The following UNC13C variants were observed in gnomAD, a reference collection of about 807,000 sequenced individuals.
UNC13C encodes unc-13 homolog C.
In UNC13C, 174 loss-of-function variants were observed where a neutral mutation model predicts 245.4. The observed-to-expected ratio is 0.71, with a 90% CI of 0.63 to 0.80. The LOEUF (loss-of-function observed/expected upper bound fraction) is 0.80, where lower values mean the gene tolerates loss of function less well. UNC13C is among the 30% of genes least tolerant of loss of function. UNC13C has a pLI of 0.00. For synonymous variants in UNC13C, 992 were observed against 895.1 expected (o/e 1.11, Z -1.93); for missense variants, 2,829 against 2,602.9 (o/e 1.09, Z -1.89).
intron 19 of UNC13C, among the ~76,000 whole-genome samples, chr15:54,461,591 T>C (rs961427814): frequency 2.0e-5 from 3 of 152,220 alleles, no homozygotes; most frequent in African/African-American, 4.8e-5. Flanking sequence ...CATGTATTTA[T>C]GATTATGGGA....
chr15:53,887,825 T>G, the UNC13C span, among the ~76,000 whole-genome samples: 1 of 152,194 alleles, frequency 6.6e-6, no homozygotes, highest in Admixed American at 6.5e-5. Flanking sequence ...ATTCTTGTGA[T>G]AGTTTGCTGA....
chr15:54,578,929 A>G (rs1321717883), intron 30 of UNC13C, among the ~76,000 whole-genome samples: 1 of 152,212 alleles, frequency 6.6e-6, no homozygotes, highest in Non-Finnish European at 1.5e-5. Flanking sequence ...ATCTCACCCA[A>G]GAGCAATGGA....
chr15:53,959,028 A>G, the UNC13C span, among the ~76,000 whole-genome samples: 1 of 152,154 alleles, frequency 6.6e-6, no homozygotes, highest in East Asian at 1.9e-4. Context: ...GCTCCCACAT[A>G]TAGGCGAGAA....
At chr15:54,145,761 C>T (rs988315335) in intron 4 of UNC13C, among the ~76,000 whole-genome samples, 3 of 152,312 alleles carry the variant, frequency 2.0e-5, no homozygotes, top group Non-Finnish European at 2.9e-5. Context: ...TCTGCACCTC[C>T]CTTCGCCTAC....
intron 24 of UNC13C, among the ~76,000 whole-genome samples, chr15:54,522,441 G>A (rs1023931858): frequency 2.0e-5 from 3 of 152,052 alleles, no homozygotes; most frequent in Admixed American, 1.3e-4. Flanking sequence ...TCGGGCCACT[G>A]CACTCCAGCC....
chr15:54,376,222 G>A (rs2039604159), intron 17 of UNC13C, among the ~76,000 whole-genome samples: 1 of 151,948 alleles, frequency 6.6e-6, no homozygotes. Context: ...AGTTATTTAT[G>A]TTTATTTCAA....
chr15:54,200,613 C>A (rs1242545191), intron 4 of UNC13C, among the ~76,000 whole-genome samples: 2 of 152,156 alleles, frequency 1.3e-5, no homozygotes, highest in South Asian at 2.1e-4. Context: ...TTAAAAAATT[C>A]TTTGAACTGA....
chr15:53,840,653 C>T, the UNC13C span, among the ~76,000 whole-genome samples: 1 of 152,150 alleles, frequency 6.6e-6, no homozygotes, highest in Admixed American at 6.5e-5. Context: ...TCTAATAACA[C>T]TTGCATGCCT....
intron 18 of UNC13C, among the ~76,000 whole-genome samples, chr15:54,396,568 T>C (rs1355236201): frequency 6.6e-6 from 1 of 151,644 alleles, no homozygotes; most frequent in Non-Finnish European, 1.5e-5. Context: ...GCTATGAATA[T>C]TTGTTTACAA....
the UNC13C span, among the ~76,000 whole-genome samples, chr15:53,935,292 A>G: frequency 6.6e-6 from 1 of 152,066 alleles, no homozygotes; most frequent in Non-Finnish European, 1.5e-5. Context: ...GGCATTTCTC[A>G]GTTCTTAGCT....
intron 11 of UNC13C, among the ~76,000 whole-genome samples, chr15:54,297,350 C>CT (rs75011595): frequency 0.081 from 12,278 of 151,912 alleles, 1,133 homozygotes; most frequent in East Asian, 0.22. Context: ...ATCATAGTTA[C>CT]TTTTTTTGCA....
chr15:54,537,597 C>G (rs1221461226), intron 26 of UNC13C, among the ~76,000 whole-genome samples: 1 of 152,018 alleles, frequency 6.6e-6, no homozygotes, highest in Non-Finnish European at 1.5e-5. Flanking sequence ...CATAAAGCTA[C>G]AGTAATCAAA....
intron 1 of UNC13C, among the ~76,000 whole-genome samples, chr15:54,004,176 C>T (rs1895035348): frequency 6.6e-6 from 1 of 152,124 alleles, no homozygotes; most frequent in South Asian, 2.1e-4. Context: ...CCCTTCCCAG[C>T]CTCCAGTAAC....
At chr15:54,192,299 C>G (rs1177206416) in intron 4 of UNC13C, among the ~76,000 whole-genome samples, 1 of 151,982 alleles carries the variant, frequency 6.6e-6, no homozygotes, top group African/African-American at 2.4e-5. Context: ...TTGTGACTAT[C>G]ATGTATTAGT....
chr15:54,367,632 G>A (rs1210255606), intron 17 of UNC13C, among the ~76,000 whole-genome samples: 1 of 152,116 alleles, frequency 6.6e-6, no homozygotes, highest in African/African-American at 2.4e-5. Flanking sequence ...TTTAGACAGA[G>A]AATGTAAATG....
chr15:54,162,609 A>G (rs2033019363), intron 4 of UNC13C, among the ~76,000 whole-genome samples: 1 of 152,206 alleles, frequency 6.6e-6, no homozygotes, highest in African/African-American at 2.4e-5. Context: ...TCCTCTATCC[A>G]TTGAGACCAG....
chr15:53,875,453 G>T, the UNC13C span, among the ~76,000 whole-genome samples: 2 of 152,176 alleles, frequency 1.3e-5, no homozygotes, highest in Admixed American at 6.5e-5. Context: ...CCTAGACTCT[G>T]AAGATGCTTG....
chr15:54,425,030 A>G (rs984942691), intron 19 of UNC13C, among the ~76,000 whole-genome samples: 2 of 151,870 alleles, frequency 1.3e-5, no homozygotes, highest in African/African-American at 4.8e-5. Context: ...CATGCTATGT[A>G]TACAATGCCA....
chr15:54,477,400 A>T (rs1384274658), intron 19 of UNC13C, among the ~76,000 whole-genome samples: 2 of 104,920 alleles, frequency 1.9e-5, no homozygotes, highest in Non-Finnish European at 4.0e-5. Flanking sequence ...TTTCAAAGGG[A>T]ATGCTTCCAG....
Sources: allele counts gnomAD v4.1 joint callset (sites outside exome capture counted in the v4.1 genomes callset), GRCh38; gene constraint gnomAD v4.1.1; transcripts MANE v1.5; gene names NCBI Gene and HGNC (gene_info 2026-07-23, HGNC 2026-07-21).